ARID5B: variants seen among roughly 807,000 people sequenced by gnomAD.
ARID5B encodes AT-rich interactive domain-containing protein 5B.
Under a neutral mutation model 97.2 loss-of-function variants are expected in ARID5B, and 13 were observed. The ratio of observed to expected loss-of-function variants is 0.13; its 90% confidence interval spans 0.09 to 0.21. ARID5B has a LOEUF of 0.21. Among genes scored for constraint, ARID5B ranks in the 10% least tolerant of loss-of-function variants. The pLI, the probability that ARID5B is intolerant of heterozygous loss-of-function variation, is 1.00. For missense variants in ARID5B, 1,210 were observed against 1,465.3 expected (o/e 0.83, Z 2.84); for synonymous variants, 556 against 570.3 (o/e 0.97, Z 0.36).
At chr10:62,029,776 A>G (rs1564631646) in intron 4 of ARID5B, among the ~76,000 whole-genome samples, 1 of 152,228 alleles carries the variant, frequency 6.6e-6, no homozygotes, top group Admixed American at 6.5e-5. Context: ...TTTCGACTCA[A>G]TGTATCAAAG....
chr10:61,969,108 G>A (rs1390933242), intron 3 of ARID5B, among the ~76,000 whole-genome samples: 1 of 152,098 alleles, frequency 6.6e-6, no homozygotes, highest in Non-Finnish European at 1.5e-5. Context: ...TTTTCAAAGA[G>A]ACTGTCAGGA....
In ARID5B at chr10:61,998,419, C is replaced by T. The variant is rs188638307; in HGVS notation, c.503-1672C>T. ...CATGTCTGGGAATTGCTTACAACCG[C>T]TCTGATGGGGTGGTTGCGGAGTGAT... On this transcript the variant is annotated intron_variant, in intron 3 of 9. Transcript: ENST00000279873. Among the ~76,000 whole-genome samples the T allele has an allele frequency of 3.4e-3, 517 of 152,254 alleles. 1 individual carries two copies. The highest frequency in any genetic ancestry group is 0.011 in the South Asian group (52 of 4,822).
At chr10:61,942,975 T>A (rs867798762) in intron 3 of ARID5B, among the ~76,000 whole-genome samples, 9 of 152,164 alleles carry the variant, frequency 5.9e-5, no homozygotes, top group Admixed American at 3.3e-4. Flanking sequence ...ACTTAAAAAA[T>A]TTTTAATGTA....
chr10:62,006,886 G>A (rs538951274), intron 4 of ARID5B, among the ~76,000 whole-genome samples: 1 of 152,172 alleles, frequency 6.6e-6, no homozygotes, highest in East Asian at 1.9e-4. Context: ...GGGCTCAATG[G>A]GTTATTAAAA....
chr10:62,045,447 A>AT (rs5785508), intron 4 of ARID5B, among the ~76,000 whole-genome samples: 6,385 of 139,596 alleles, frequency 0.046, 176 homozygotes, highest in Middle Eastern at 0.094. Context: ...TTGCCAGGGT[A>AT]TTTTTTTTTT....
At chr10:62,042,683 G>A (rs547871708) in intron 4 of ARID5B, among the ~76,000 whole-genome samples, 72 of 152,146 alleles carry the variant, frequency 4.7e-4, no homozygotes, top group African/African-American at 1.6e-3. Context: ...AGGACGAGGC[G>A]GTTGGATCAC....
chr10:62,066,443 C>T (rs1322289163), intron 7 of ARID5B, among the ~76,000 whole-genome samples: 1 of 152,174 alleles, frequency 6.6e-6, no homozygotes, highest in Non-Finnish European at 1.5e-5. Context: ...TTCATCCAGG[C>T]CATTCAGTGG....
chr10:61,901,882 T>TA (rs1843620876), intron 1 of ARID5B, 152 bp downstream of exon 1: 3 of 731,590 alleles, frequency 4.1e-6, no homozygotes, highest in Admixed American at 2.2e-5. Flanking sequence ...TTTTATTGTT[T>TA]AAAAAAATCC....
chr10:61,904,887 T>C (rs1288088590), intron 2 of ARID5B, among the ~76,000 whole-genome samples: 1 of 152,246 alleles, frequency 6.6e-6, no homozygotes, highest in African/African-American at 2.4e-5. Flanking sequence ...TTTTCCACCC[T>C]GGTGATGTCA....
intron 8 of ARID5B, among the ~76,000 whole-genome samples, chr10:62,079,316 T>G (rs187215479): frequency 2.0e-3 from 310 of 152,332 alleles, no homozygotes; most frequent in African/African-American, 7.3e-3. Flanking sequence ...TGCCATTGAC[T>G]AGTCACTTAA....
intron 7 of ARID5B, among the ~76,000 whole-genome samples, chr10:62,068,793 T>G (rs1840026083): frequency 6.6e-6 from 1 of 152,224 alleles, no homozygotes; most frequent in South Asian, 2.1e-4. Context: ...GTAAATGACA[T>G]GGTTTCCCCA....
chr10:61,978,842 A>T (rs1488304164), intron 3 of ARID5B, among the ~76,000 whole-genome samples: 1 of 152,098 alleles, frequency 6.6e-6, no homozygotes, highest in African/African-American at 2.4e-5. Flanking sequence ...CCTAACTGAA[A>T]ACCCTTTATT....
At chr10:61,916,721 G>A (rs74156283) in intron 2 of ARID5B, among the ~76,000 whole-genome samples, 300 of 152,266 alleles carry the variant, frequency 2.0e-3, no homozygotes, top group African/African-American at 6.9e-3. Context: ...ACAAGTAGAG[G>A]AAACGGGAAG....
At chr10:61,976,126 G>A (rs1358455311) in intron 3 of ARID5B, among the ~76,000 whole-genome samples, 1 of 152,160 alleles carries the variant, frequency 6.6e-6, no homozygotes, top group Non-Finnish European at 1.5e-5. Flanking sequence ...CCAATAGAAT[G>A]CTCTTCAATG....
intron 4 of ARID5B, among the ~76,000 whole-genome samples, chr10:62,014,851 A>G (rs868117967): frequency 1.3e-5 from 2 of 152,234 alleles, no homozygotes; most frequent in Non-Finnish European, 2.9e-5. Flanking sequence ...TCAGGCAAAT[A>G]CAGAACATTC....
intron 9 of ARID5B, 135 bp downstream of exon 9, chr10:62,086,035 AC>A: frequency 1.1e-6 from 1 of 898,346 alleles, no homozygotes; most frequent in Non-Finnish European, 1.7e-6. Context: ...TCTAAGCTTC[AC>A]AGTTCCCCAC....
chr10:61,996,728 T>G (rs1589251425), intron 3 of ARID5B, among the ~76,000 whole-genome samples: 1 of 152,086 alleles, frequency 6.6e-6, no homozygotes, highest in African/African-American at 2.4e-5. Flanking sequence ...TCTCTCTGTT[T>G]CTCGTATTTT....
intron 3 of ARID5B, among the ~76,000 whole-genome samples, chr10:61,944,836 C>G (rs1334806124): frequency 6.6e-6 from 1 of 152,166 alleles, no homozygotes; most frequent in Non-Finnish European, 1.5e-5. Context: ...ATGGTTTCAT[C>G]TCCAAATGTG....
chr10:61,930,348 A>G (rs891953849), intron 2 of ARID5B, among the ~76,000 whole-genome samples: 3 of 152,156 alleles, frequency 2.0e-5, no homozygotes, highest in Non-Finnish European at 4.4e-5. Flanking sequence ...AGATCTTTAT[A>G]TAGTGAATAG....
Sources: allele counts gnomAD v4.1 joint callset (sites outside exome capture counted in the v4.1 genomes callset), GRCh38; gene constraint gnomAD v4.1.1; transcripts MANE v1.5; gene names NCBI Gene and HGNC (gene_info 2026-07-23, HGNC 2026-07-21).